Variants in FAM151B observed in about 807,000 individuals in gnomAD.
The protein encoded by FAM151B is protein FAM151B.
A neutral mutation model predicts 31.2 loss-of-function variants in FAM151B; 24 were observed. The ratio of observed to expected loss-of-function variants is 0.77; its 90% confidence interval spans 0.56 to 1.08. FAM151B has a LOEUF of 1.08. Among genes scored for constraint, FAM151B ranks in the 50% least tolerant of loss-of-function variants. The pLI is 0.00. For missense variants in FAM151B, 293 were observed against 328.6 expected, an observed-to-expected ratio of 0.89 and a Z score of 0.84; for synonymous variants, 105 against 111.4, an observed-to-expected ratio of 0.94 and a Z score of 0.36.
At chr5:80,500,706 A>C in intron 1 of FAM151B, 1 of 820,138 alleles carries the variant, frequency 1.2e-6, no homozygotes, top group African/African-American at 1.7e-5. Flanking sequence ...GTGAAGCTCA[A>C]CAGGCTTCAG....
intron 5 of FAM151B, among the ~76,000 whole-genome samples, chr5:80,532,866 C>T (rs572089664): frequency 2.7e-4 from 41 of 152,166 alleles, no homozygotes; most frequent in Middle Eastern, 3.4e-3. Context: ...TATACAAATA[C>T]ATGGAAATTA....
At chr5:80,529,060 A>G (rs1004237281) in intron 5 of FAM151B, among the ~76,000 whole-genome samples, 1 of 152,212 alleles carries the variant, frequency 6.6e-6, no homozygotes, top group African/African-American at 2.4e-5. Context: ...GTGCAATCAA[A>G]CTACAACTCA....
At position 80,542,521 on chromosome 5, in the gene FAM151B, C is replaced by G. The variant is rs190959488; in HGVS notation, c.*689C>G. 1 of 151,918 alleles carries G rather than the reference C, an allele frequency of 6.6e-6. No homozygotes were observed. Among genetic ancestry groups the G allele is most frequent in the African/African-American group, 2.4e-5 (1 of 41,376 alleles). The allele number at this position is 151,918 out of a possible 1,614,324, so 9.4% of individuals were successfully genotyped here. A position where few individuals can be genotyped will look rare whatever the true frequency, so the allele number is the denominator to read the frequency against. On this transcript the variant is annotated 3_prime_UTR_variant, in exon 6 of 6. Transcript: ENST00000282226. ...TTTCCAAGTTTCTTACTGCCACCACCTTCATTCAGGTCCTTGTTCTACTAG... is the reference window on the plus strand; with the variant it reads ...TTTCCAAGTTTCTTACTGCCACCACGTTCATTCAGGTCCTTGTTCTACTAG...
intron 1 of FAM151B, among the ~76,000 whole-genome samples, chr5:80,492,019 G>A (rs563715769): frequency 7.9e-5 from 12 of 152,278 alleles, no homozygotes; most frequent in South Asian, 4.1e-4. Context: ...GCCACAGGTC[G>A]CACAGGGAAG....
At chr5:80,498,563 C>A in intron 1 of FAM151B, 1 of 1,078,212 alleles carries the variant, frequency 9.3e-7, no homozygotes, top group South Asian at 1.2e-5. Flanking sequence ...AGCAGTAAGT[C>A]AGACAACATT....
intron 5 of FAM151B, among the ~76,000 whole-genome samples, chr5:80,531,321 G>A (rs1313133506): frequency 6.6e-6 from 1 of 152,190 alleles, no homozygotes; most frequent in Non-Finnish European, 1.5e-5. Context: ...AAGGCCATAA[G>A]CATGGGCAAG....
At chr5:80,513,280 A>G (rs1666376779) in intron 2 of FAM151B, among the ~76,000 whole-genome samples, 1 of 152,208 alleles carries the variant, frequency 6.6e-6, no homozygotes, top group African/African-American at 2.4e-5. Context: ...ATTCCCAGAA[A>G]GCTTCAGCAA....
At chr5:80,506,200 G>A in intron 2 of FAM151B, 1 of 783,858 alleles carries the variant, frequency 1.3e-6, no homozygotes, top group Non-Finnish European at 1.5e-6. Flanking sequence ...CCCATGGTGG[G>A]CAAGTGATCA....
chr5:80,492,409 T>C, intron 1 of FAM151B, among the ~76,000 whole-genome samples: 1 of 152,146 alleles, frequency 6.6e-6, no homozygotes, highest in East Asian at 1.9e-4. Flanking sequence ...AATCTGTAAA[T>C]GTGGTGTGTG....
intron 1 of FAM151B, among the ~76,000 whole-genome samples, chr5:80,496,511 A>G (rs75339028): frequency 0.026 from 3,995 of 152,296 alleles, 169 homozygotes; most frequent in African/African-American, 0.091. Flanking sequence ...TACTCACTTT[A>G]TTCCAGTGGC....
intron 5 of FAM151B, among the ~76,000 whole-genome samples, chr5:80,527,960 A>G (rs1261160111): frequency 6.6e-6 from 1 of 152,220 alleles, no homozygotes; most frequent in East Asian, 1.9e-4. Context: ...ACCACCTTGT[A>G]TAGCTGTACA....
chr5:80,538,460 T>TCTCTC (rs1561383674), intron 5 of FAM151B, among the ~76,000 whole-genome samples: 64 of 82,072 alleles, frequency 7.8e-4, no homozygotes, highest in East Asian at 3.5e-3. Context: ...CTTTCTTTCT[T>TCTCTC]TCTTTCTTTC....
At chr5:80,505,680 C>A (rs981346092) in intron 2 of FAM151B, among the ~76,000 whole-genome samples, 1 of 151,724 alleles carries the variant, frequency 6.6e-6, no homozygotes, top group African/African-American at 2.4e-5. Flanking sequence ...AGGCGTGAGC[C>A]ACCGCACCCA....
intron 5 of FAM151B, among the ~76,000 whole-genome samples, chr5:80,527,921 T>G (rs1272144839): frequency 6.6e-6 from 1 of 152,230 alleles, no homozygotes; most frequent in East Asian, 1.9e-4. Context: ...TTTTTGACTC[T>G]TTAGCAATAA....
chr5:80,536,778 A>G (rs1219127583), intron 5 of FAM151B, among the ~76,000 whole-genome samples: 3 of 152,168 alleles, frequency 2.0e-5, no homozygotes, highest in Non-Finnish European at 4.4e-5. Flanking sequence ...TCATTATGTT[A>G]AGTGAAATAA....
chr5:80,503,710 A>G lies in FAM151B; in HGVS notation c.151+1793A>G, dbSNP rs192372950. Among the ~76,000 whole-genome samples, 530 of 152,340 alleles carry G rather than the reference A, an allele frequency of 3.5e-3. 1 individual carries two copies. Among genetic ancestry groups the G allele is most frequent in the Non-Finnish European group, 5.3e-3 (361 of 68,032 alleles). Reference sequence around the variant, plus strand: ...TACAATTTGTATAATAATAGTATATACAAAGCCCTTTTGCCATCATAGCCT... The same window carrying G: ...TACAATTTGTATAATAATAGTATATGCAAAGCCCTTTTGCCATCATAGCCT... On this transcript the variant is annotated intron_variant, in intron 2 of 5. Transcript: ENST00000282226.
rs369917810 is a variant in FAM151B, at chr5:80,519,856, G to T, written c.481G>T (p.Val161Leu). 6.2e-7 allele frequency: 1 copy of T among 1,614,126 alleles called. No individual in the cohort carries two copies. The highest frequency in any genetic ancestry group is 8.5e-7 in the Non-Finnish European group (1 of 1,180,018). Residue 161 changes from valine to leucine, a missense_variant, in exon 4 of 6, where the codon GTG becomes TTG. Coordinates refer to ENST00000282226, the MANE Select transcript of FAM151B (RefSeq NM_205548.3). ...CACCGTGATATCCTTCTTTCCAGACGTGACGTTTTCCCTGGGTTGGACAAC... is the reference window on the plus strand; with the variant it reads ...CACCGTGATATCCTTCTTTCCAGACTTGACGTTTTCCCTGGGTTGGACAAC... ...LDTVISFFPDVTFSLGWTTGW... is the reference protein window; with the variant it reads ...LDTVISFFPDLTFSLGWTTGW...
chr5:80,534,960 C>A (rs1362613649), intron 5 of FAM151B, among the ~76,000 whole-genome samples: 1 of 152,096 alleles, frequency 6.6e-6, no homozygotes, highest in Non-Finnish European at 1.5e-5. Flanking sequence ...TATATGCCAA[C>A]AGTGAACAAT....
intron 4 of FAM151B, 150 bp downstream of exon 4, chr5:80,520,060 T>C: frequency 3.1e-6 from 2 of 651,248 alleles, no homozygotes; most frequent in Non-Finnish European, 5.2e-6. Flanking sequence ...TGCAGACCCT[T>C]CCATCTGCTC....
Sources: allele counts gnomAD v4.1 joint callset (sites outside exome capture counted in the v4.1 genomes callset), GRCh38; gene constraint gnomAD v4.1.1; transcripts MANE v1.5; gene names NCBI Gene and HGNC (gene_info 2026-07-23, HGNC 2026-07-21).